RTL4: variants seen among roughly 807,000 people sequenced by gnomAD.
RTL4 encodes retrotransposon Gag like 4.
RTL4 carries 4 observed loss-of-function variants against 5.3 expected under a neutral mutation model. The ratio of observed to expected loss-of-function variants is 0.75; its 90% CI spans 0.37 to 1.72. The LOEUF is 1.72. Ranked by LOEUF, RTL4 falls within the 40% of genes most tolerant of loss-of-function variation. RTL4 has a pLI of 0.04. For synonymous variants in RTL4, 98 were observed against 87.3 expected, an observed-to-expected ratio of 1.12 and a Z score of -0.68; for missense variants, 260 against 227.1, an observed-to-expected ratio of 1.14 and a Z score of -0.93.
the RTL4 span, among the ~76,000 whole-genome samples, chrX:112,115,406 C>A: frequency 9.0e-6 from 1 of 111,443 alleles, no homozygotes; most frequent in Non-Finnish European, 1.9e-5. Flanking sequence ...AGTATTGGGA[C>A]CTTACCCTTG....
the RTL4 span, among the ~76,000 whole-genome samples, chrX:112,440,565 G>A: frequency 8.9e-6 from 1 of 112,132 alleles, no homozygotes; most frequent in Non-Finnish European, 1.9e-5. Context: ...GGGCTAGAGG[G>A]TGTTGGATAC....
the RTL4 span, among the ~76,000 whole-genome samples, chrX:112,349,370 T>G: frequency 9.0e-6 from 1 of 111,401 alleles, no homozygotes; most frequent in African/African-American, 3.3e-5. Context: ...TTTTTTTCTT[T>G]AAACAGAGAA....
chrX:112,457,108 A>G (rs1268109256), exon 1 of RTL4: 3 of 123,378 alleles, frequency 2.4e-5, no homozygotes, highest in Admixed American at 9.5e-5. Flanking sequence ...GCAACCATCA[A>G]GGCCTCTCAG....
the RTL4 span, among the ~76,000 whole-genome samples, chrX:112,142,715 T>C: frequency 2.5e-3 from 281 of 112,410 alleles, no homozygotes; most frequent in Middle Eastern, 9.1e-3. Flanking sequence ...AATAGGGGTG[T>C]GTGTAACTAG....
At chrX:112,205,406 T>C in the RTL4 span, among the ~76,000 whole-genome samples, 1 of 111,611 alleles carries the variant, frequency 9.0e-6, no homozygotes, top group African/African-American at 3.3e-5. Context: ...ATGTTGAAGC[T>C]ATACAAATGT....
chrX:112,173,676 GGCATAGTAGCCCTCTGGA>G, the RTL4 span, among the ~76,000 whole-genome samples: 4 of 110,130 alleles, frequency 3.6e-5, no homozygotes, highest in African/African-American at 1.3e-4. Flanking sequence ...GTCTCCAGAG[GGCATAGTAGCCCTCTGGA>G]GTTGGAAGGA....
the RTL4 span, among the ~76,000 whole-genome samples, chrX:112,354,615 C>T: frequency 9.0e-6 from 1 of 111,298 alleles, no homozygotes; most frequent in Non-Finnish European, 1.9e-5. Flanking sequence ...AAAGGGAAAC[C>T]TTGCCTTTCT....
At chrX:112,357,971 T>A in the RTL4 span, among the ~76,000 whole-genome samples, 1 of 111,728 alleles carries the variant, frequency 9.0e-6, no homozygotes, top group African/African-American at 3.2e-5. Flanking sequence ...AATTCAATCT[T>A]TTTTTTTATA....
the RTL4 span, among the ~76,000 whole-genome samples, chrX:112,202,151 C>A: frequency 3.2e-4 from 36 of 111,713 alleles, no homozygotes; most frequent in African/African-American, 1.2e-3. Context: ...CCTTCCGCAA[C>A]CCCTGTCTAT....
At chrX:112,095,500 G>A in the RTL4 span, among the ~76,000 whole-genome samples, 1 of 111,712 alleles carries the variant, frequency 9.0e-6, no homozygotes, top group Non-Finnish European at 1.9e-5. Context: ...GAGTTCCATG[G>A]ATCCAGGGAG....
the RTL4 span, among the ~76,000 whole-genome samples, chrX:112,205,649 A>G: frequency 2.7e-5 from 3 of 111,610 alleles, no homozygotes; most frequent in African/African-American, 9.8e-5. Context: ...GCACACATAC[A>G]CATACCTCTC....
At chrX:112,123,791 A>T in the RTL4 span, among the ~76,000 whole-genome samples, 7 of 111,845 alleles carry the variant, frequency 6.3e-5, no homozygotes, top group Non-Finnish European at 1.1e-4. Context: ...AGACTTTATG[A>T]CGAAAGCACC....
chrX:112,218,280 C>A, the RTL4 span, among the ~76,000 whole-genome samples: 1 of 111,553 alleles, frequency 9.0e-6, no homozygotes, highest in East Asian at 2.8e-4. Flanking sequence ...GTGAACTAAA[C>A]TCTAATTGTC....
chrX:112,339,122 C>T, the RTL4 span, among the ~76,000 whole-genome samples: 1 of 111,158 alleles, frequency 9.0e-6, no homozygotes, highest in Non-Finnish European at 1.9e-5. Flanking sequence ...TAGTCTGAGA[C>T]TCCATACCGT....
the RTL4 span, among the ~76,000 whole-genome samples, chrX:112,142,109 C>G: frequency 1.8e-5 from 2 of 112,205 alleles, no homozygotes; most frequent in African/African-American, 6.5e-5. Flanking sequence ...GTCATATAGC[C>G]AAATCAGAGA....
chrX:112,215,040 G>A, the RTL4 span, among the ~76,000 whole-genome samples: 33 of 111,402 alleles, frequency 3.0e-4, no homozygotes, highest in Non-Finnish European at 4.0e-4. Flanking sequence ...CACCCACCTC[G>A]GCCTCCCAAA....
chrX:112,331,647 G>C, the RTL4 span, among the ~76,000 whole-genome samples: 9 of 106,926 alleles, frequency 8.4e-5, no homozygotes, highest in Admixed American at 2.0e-4. Context: ...ACCCAGCCAT[G>C]CCATTACTGG....
chrX:112,302,930 G>A, the RTL4 span, among the ~76,000 whole-genome samples: 5 of 112,264 alleles, frequency 4.5e-5, no homozygotes, highest in Non-Finnish European at 3.8e-5. Context: ...ATCCTCAGGT[G>A]AAAACATTTG....
chrX:112,236,293 A>C, the RTL4 span, among the ~76,000 whole-genome samples: 1 of 105,811 alleles, frequency 9.5e-6, no homozygotes, highest in Non-Finnish European at 1.9e-5. Flanking sequence ...TTATTTAAAA[A>C]ATGAGAATAA....
Sources: gnomAD v4.1 joint callset for allele counts (sites outside exome capture counted in the v4.1 genomes callset) on GRCh38, gnomAD v4.1.1 for gene constraint, MANE v1.5 for transcripts, NCBI Gene and HGNC (gene_info 2026-07-23, HGNC 2026-07-21) for gene names.